WDR7: variants seen among roughly 807,000 people sequenced by gnomAD.
WDR7 encodes the protein WD repeat-containing protein 7.
WDR7 carries 46 observed loss-of-function variants against 169.4 expected under a neutral mutation model. The ratio of observed to expected loss-of-function variants is 0.27; its 90% confidence interval spans 0.21 to 0.35. The LOEUF (loss-of-function observed/expected upper bound fraction) is 0.35. Ranked by LOEUF, WDR7 falls within the 10% of genes least tolerant of loss-of-function variation. The pLI is 1.00. For missense variants in WDR7, 1,534 were observed against 1,859.3 expected (o/e 0.83, Z 3.22); for synonymous variants, 612 against 666.8 (o/e 0.92, Z 1.27).
chr18:57,013,488 T>C (rs2048166076), intron 26 of WDR7, among the ~76,000 whole-genome samples: 1 of 152,164 alleles, frequency 6.6e-6, no homozygotes, highest in Non-Finnish European at 1.5e-5. Context: ...AGTATTACGT[T>C]ATATGATGCA....
chr18:56,712,645 C>T (rs1379338148), intron 12 of WDR7, among the ~76,000 whole-genome samples: 2 of 152,132 alleles, frequency 1.3e-5, no homozygotes, highest in African/African-American at 4.8e-5. Context: ...GTGTTTGGAA[C>T]ATGAATTTGA....
At chr18:57,034,956 C>T in the WDR7 span, 1 of 152,154 alleles carries the variant, frequency 6.6e-6, no homozygotes, top group Non-Finnish European at 1.5e-5. Flanking sequence ...AGGGTCAGAG[C>T]CCTGACAGAG....
At chr18:56,941,289 C>CATAATA (rs58883266) in intron 25 of WDR7, among the ~76,000 whole-genome samples, 27 of 150,978 alleles carry the variant, frequency 1.8e-4, no homozygotes, top group East Asian at 1.5e-3. Flanking sequence ...AAGGAGAAGG[C>CATAATA]ATAATAATAA....
intron 14 of WDR7, among the ~76,000 whole-genome samples, chr18:56,737,211 C>T (rs1267702660): frequency 2.0e-5 from 3 of 152,084 alleles, no homozygotes; most frequent in Non-Finnish European, 4.4e-5. Flanking sequence ...ATAGATTGCA[C>T]ATGATGATAT....
intron 17 of WDR7, among the ~76,000 whole-genome samples, chr18:56,777,617 G>GT (rs571025607): frequency 3.4e-4 from 52 of 152,130 alleles, no homozygotes; most frequent in African/African-American, 1.2e-3. Context: ...TCTTCATTGC[G>GT]TTTGTAGTTA....
chr18:56,859,904 G>A (rs145972719), intron 20 of WDR7, among the ~76,000 whole-genome samples: 20 of 152,154 alleles, frequency 1.3e-4, no homozygotes, highest in African/African-American at 4.3e-4. Flanking sequence ...ATAGGCATTC[G>A]CTCCTTTAAT....
intron 26 of WDR7, among the ~76,000 whole-genome samples, chr18:56,991,273 A>C (rs2047814400): frequency 6.6e-6 from 1 of 150,546 alleles, no homozygotes; most frequent in African/African-American, 2.5e-5. Flanking sequence ...CAGCCTCCCG[A>C]GTAGCTGGGA....
At chr18:56,842,698 C>A (rs368633316) in intron 20 of WDR7, among the ~76,000 whole-genome samples, 1 of 151,362 alleles carries the variant, frequency 6.6e-6, no homozygotes, top group Non-Finnish European at 1.5e-5. Flanking sequence ...TTCTCTCTTA[C>A]ACACACACAC....
At chr18:57,034,701 G>A (rs762338932), downstream of WDR7, 6 of 152,326 alleles carry the variant, frequency 3.9e-5, no homozygotes, top group African/African-American at 1.2e-4. Context: ...TTATAAAGAC[G>A]ATGGACTTGG....
chr18:57,004,430 G>A (rs1430514726), intron 26 of WDR7, among the ~76,000 whole-genome samples: 3 of 152,046 alleles, frequency 2.0e-5, no homozygotes. Flanking sequence ...GATTGAACTG[G>A]CACTATAAAT....
chr18:56,868,844 C>A (rs1016952093), intron 20 of WDR7, among the ~76,000 whole-genome samples: 1 of 152,066 alleles, frequency 6.6e-6, no homozygotes. Flanking sequence ...AAAAGTTAGA[C>A]GTTTTTGGAG....
chr18:56,651,435 G>C lies in WDR7; in HGVS notation c.-161G>C, dbSNP rs2024649617. 1 of 152,870 alleles carries C rather than the reference G, an allele frequency of 6.5e-6. No homozygotes were observed. Among genetic ancestry groups the C allele is most frequent in the Non-Finnish European group, 1.5e-5 (1 of 68,532 alleles). 9.5% of individuals were successfully genotyped at this position (152,870 alleles called of 1,614,324 possible). Reference sequence around the variant, plus strand: ...ACTGGGGAGACGGCGGCTGTATAGCGCTTGCCGCCCCACGGATTATCCCAG... The same window carrying C: ...ACTGGGGAGACGGCGGCTGTATAGCCCTTGCCGCCCCACGGATTATCCCAG... On this transcript the variant is annotated 5_prime_UTR_variant, in exon 1 of 28. Coordinates refer to ENST00000254442, the MANE Select transcript of WDR7 (RefSeq NM_015285.3).
At chr18:57,008,445 G>A (rs1170763412) in intron 26 of WDR7, among the ~76,000 whole-genome samples, 1 of 152,188 alleles carries the variant, frequency 6.6e-6, no homozygotes, top group East Asian at 1.9e-4. Context: ...GGCCATAGCT[G>A]CCTTTCTGCC....
intron 20 of WDR7, among the ~76,000 whole-genome samples, chr18:56,874,435 C>T (rs2145455706): frequency 6.6e-6 from 1 of 151,904 alleles, no homozygotes; most frequent in Non-Finnish European, 1.5e-5. Context: ...TAAAACTTTC[C>T]ATGAAGAGAG....
chr18:56,959,651 A>G (rs762503186), intron 25 of WDR7, among the ~76,000 whole-genome samples: 1 of 151,976 alleles, frequency 6.6e-6, no homozygotes, highest in Non-Finnish European at 1.5e-5. Context: ...TTACTCTGAA[A>G]CCCCCAAATT....
chr18:56,696,261 A>G lies in WDR7; in HGVS notation c.1377A>G (p.Thr459=). The G allele has an allele frequency of 6.2e-7, 1 of 1,613,016 alleles. No individual in the cohort carries two copies. The highest frequency in any genetic ancestry group is 8.5e-7 in the Non-Finnish European group (1 of 1,179,500). Residue 459 remains threonine (T), a synonymous_variant, in exon 12 of 28, where the codon ACA becomes ACG. Transcript: ENST00000254442. ...MLRRGWPPHR[T]LRGHRNKVTC... is the part of the protein sequence containing the mutation. Reference sequence around the variant, plus strand: ...TCACAGGTTGGCCACCTCACAGAACACTCCGTGGTCATCGGAACAAAGTCA... The same window carrying G: ...TCACAGGTTGGCCACCTCACAGAACGCTCCGTGGTCATCGGAACAAAGTCA...
intron 26 of WDR7, among the ~76,000 whole-genome samples, chr18:56,964,323 C>T (rs1297040155): frequency 1.3e-5 from 2 of 151,446 alleles, no homozygotes; most frequent in Non-Finnish European, 2.9e-5. Flanking sequence ...TAATGTCATT[C>T]ATATGCCATT....
intron 21 of WDR7, among the ~76,000 whole-genome samples, chr18:56,905,108 T>C (rs2046458288): frequency 6.6e-6 from 1 of 152,156 alleles, no homozygotes; most frequent in Non-Finnish European, 1.5e-5. Flanking sequence ...TTGTAGACTG[T>C]ATTATTTCCC....
At chr18:56,856,363 G>A (rs577481212) in intron 20 of WDR7, among the ~76,000 whole-genome samples, 105 of 151,932 alleles carry the variant, frequency 6.9e-4, no homozygotes, top group Non-Finnish European at 7.8e-4. Flanking sequence ...GTGAAACCCT[G>A]GCTCTACAAA....
Sources: gnomAD v4.1 joint callset for allele counts (sites outside exome capture counted in the v4.1 genomes callset) on GRCh38, gnomAD v4.1.1 for gene constraint, MANE v1.5 for transcripts, NCBI Gene and HGNC (gene_info 2026-07-23, HGNC 2026-07-21) for gene names.